ST7L: variants seen among roughly 807,000 people sequenced by gnomAD.
ST7L encodes suppressor of tumorigenicity 7 protein-like.
ST7L carries 57 observed loss-of-function variants against 72.5 expected under a neutral mutation model. The observed-to-expected ratio is 0.79, with a 90% confidence interval of 0.64 to 0.98. The LOEUF is 0.98. ST7L is among the 50% of genes least tolerant of loss of function. ST7L has a pLI of 0.00. For synonymous variants in ST7L, 221 were observed against 240.9 expected, an observed-to-expected ratio of 0.92 and a Z score of 0.77; for missense variants, 576 against 672.2, an observed-to-expected ratio of 0.86 and a Z score of 1.58.
At position 112,582,386 on chromosome 1, in the gene ST7L, T is replaced by C. The variant is rs772263676; in HGVS notation, c.943A>G (p.Ile315Val). ...KLGRIREAVK[I>V]MRDLMKEFPP... Reference sequence around the variant, plus strand: ...ATCAATTTACTTACATCTCTCATTATTTTTACTGCTTCTCTTATTCTTCCT... The same window carrying C: ...ATCAATTTACTTACATCTCTCATTACTTTTACTGCTTCTCTTATTCTTCCT... Residue 315 changes from isoleucine (I) to valine (V), a missense_variant, in exon 8 of 15, where the codon ATA (isoleucine) becomes GTA (valine). Physicochemically the swap from Ile to Val is conservative, Grantham distance 29. Around this residue, in one of 3 missense-constraint regions of ST7L, gnomAD observed 511 missense variants for 600.7 expected, o/e 0.85. Coordinates refer to ENST00000358039, the MANE Select transcript of ST7L (RefSeq NM_017744.5). 6.2e-7 allele frequency: 1 copy of C among 1,603,728 alleles called. No individual in the cohort carries two copies.
intron 3 of ST7L, among the ~76,000 whole-genome samples, chr1:112,603,275 C>A (rs1667711596): frequency 6.6e-6 from 1 of 152,092 alleles, no homozygotes; most frequent in South Asian, 2.1e-4. Flanking sequence ...ATTCAGTGAA[C>A]AAGTATTTTC....
chr1:112,551,699 C>T (rs996755273), intron 12 of ST7L, among the ~76,000 whole-genome samples: 1 of 152,170 alleles, frequency 6.6e-6, no homozygotes, highest in Non-Finnish European at 1.5e-5. Flanking sequence ...TAGATTGTCA[C>T]CAACTCCTGT....
Position 112,582,355 on chromosome 1 carries a change from C to T in ST7L, c.954+20G>A. 6.6e-7 allele frequency: 1 copy of T among 1,512,840 alleles called. No homozygotes were observed. The highest frequency in any genetic ancestry group is 9.2e-7 in the Non-Finnish European group (1 of 1,092,774). 93.7% of individuals were successfully genotyped at this position (1,512,840 alleles called of 1,614,324 possible). On this transcript the variant is annotated intron_variant, in intron 8 of 14. Transcript: ENST00000358039. ...TTTCTGGAGGAATAAATGTAATAGT[C>T]CCATCATCAATTTACTTACATCTCT...
At chr1:112,537,671 AT>A (rs1048309621) in intron 14 of ST7L, among the ~76,000 whole-genome samples, 3 of 152,102 alleles carry the variant, frequency 2.0e-5, no homozygotes, top group Non-Finnish European at 2.9e-5. Flanking sequence ...CTTAAAAGCA[AT>A]TTTTCCTTTT....
At chr1:112,573,910 G>GTT (rs920123003) in intron 11 of ST7L, among the ~76,000 whole-genome samples, 3,805 of 91,822 alleles carry the variant, frequency 0.041, 381 homozygotes, top group African/African-American at 0.14. Flanking sequence ...TTCTTTTCCT[G>GTT]TTTTTTTTTT....
intron 8 of ST7L, 122 bp downstream of exon 8, chr1:112,582,253 T>C: frequency 1.1e-6 from 1 of 893,246 alleles, no homozygotes. Flanking sequence ...ATTAAATAAA[T>C]ACCTTGTTCT....
intron 14 of ST7L, among the ~76,000 whole-genome samples, chr1:112,537,982 G>A (rs1323927182): frequency 6.6e-6 from 1 of 152,250 alleles, no homozygotes. Flanking sequence ...CCAGTGCCTG[G>A]CCTCACCATA....
At chr1:112,545,228 C>G (rs570761424) in intron 13 of ST7L, among the ~76,000 whole-genome samples, 1 of 151,638 alleles carries the variant, frequency 6.6e-6, no homozygotes, top group African/African-American at 2.4e-5. Context: ...CCAGCATATT[C>G]CCCCTCTCCT....
At chr1:112,542,559 C>T (rs1656291667) in intron 13 of ST7L, among the ~76,000 whole-genome samples, 1 of 151,972 alleles carries the variant, frequency 6.6e-6, no homozygotes, top group Admixed American at 6.6e-5. Flanking sequence ...GCATGCGACA[C>T]TAACCTAAGC....
chr1:112,581,047 T>G lies in ST7L; in HGVS notation c.1069+945A>C, dbSNP rs114081892. The stretch of plus-strand genomic sequence containing the variant: ...GGCTGGGAGACCTTACTCCAATACT[T>G]TAACCTTCTTAAATTCCAGTTCCCT... On this transcript the variant is annotated intron_variant, in intron 9 of 14. Coordinates refer to ENST00000358039, the MANE Select transcript of ST7L (RefSeq NM_017744.5). Among the ~76,000 whole-genome samples the G allele has an allele frequency of 9.1e-4, 139 of 152,348 alleles. 1 individual carries two copies. The highest frequency in any genetic ancestry group is 3.2e-3 in the African/African-American group (134 of 41,588).
rs188505559 is a variant in ST7L at position 112,547,358 on chromosome 1, A to G, written c.1489+3243T>C. ...CAGGCGCAAGCCACCACACCTGGCT[A>G]ACTTTTGTATTTTTAGTAGAGATGG... On this transcript the variant is annotated intron_variant, in intron 13 of 14. Transcript: ENST00000358039. Among the ~76,000 whole-genome samples, 194 of 151,818 alleles carry G rather than the reference A, an allele frequency of 1.3e-3. 1 individual carries two copies. The highest frequency in any genetic ancestry group is 4.4e-3 in the African/African-American group (182 of 41,454).
At chr1:112,619,539 G>T (rs1670492751), upstream of ST7L, 2 of 528,354 alleles carry the variant, frequency 3.8e-6, no homozygotes, top group Non-Finnish European at 6.7e-6. Flanking sequence ...TATTTGGTCG[G>T]ATGGAGGCCA....
At chr1:112,586,927 C>T (rs1487934783) in intron 6 of ST7L, among the ~76,000 whole-genome samples, 1 of 152,202 alleles carries the variant, frequency 6.6e-6, no homozygotes, top group Non-Finnish European at 1.5e-5. Context: ...TAGTCACTCC[C>T]CATCTCCCTT....
chr1:112,618,735 G>A lies in ST7L; in HGVS notation c.205+174C>T, dbSNP rs555754475. On this transcript the variant is annotated intron_variant, in intron 1 of 14. Transcript: ENST00000358039. Reference sequence around the variant, plus strand: ...TACGGAGGAGCCGGTAACGGCAGCAGGCTTGTCAATCAACTGCAAGGTTGC... The same window carrying A: ...TACGGAGGAGCCGGTAACGGCAGCAAGCTTGTCAATCAACTGCAAGGTTGC... 1.2e-4 allele frequency: 155 copies of A among 1,336,354 alleles called. No individual in the cohort carries two copies. The African/African-American group carries it at 2.0e-3, about 17-fold the overall frequency. 82.8% of individuals were successfully genotyped at this position (1,336,354 alleles called of 1,614,324 possible).
intron 2 of ST7L, among the ~76,000 whole-genome samples, chr1:112,615,197 T>C (rs1669680053): frequency 6.6e-6 from 1 of 152,056 alleles, no homozygotes; most frequent in Admixed American, 6.6e-5. Flanking sequence ...GGTTTTTCCA[T>C]GTTTCCCAGG....
At chr1:112,602,202 G>A (rs753567676) in intron 3 of ST7L, among the ~76,000 whole-genome samples, 2 of 151,954 alleles carry the variant, frequency 1.3e-5, no homozygotes, top group East Asian at 1.9e-4. Flanking sequence ...AGGTTTATAA[G>A]CAGAAAAATA....
chr1:112,588,582 T>C (rs1665207070), intron 6 of ST7L, among the ~76,000 whole-genome samples: 1 of 152,246 alleles, frequency 6.6e-6, no homozygotes, highest in South Asian at 2.1e-4. Context: ...ATTACATTAA[T>C]TGATTTCCAT....
chr1:112,552,808 A>G lies in ST7L; in HGVS notation c.1397-2115T>C, dbSNP rs145265992. On this transcript the variant is annotated intron_variant, in intron 12 of 14. Transcript: ENST00000358039. ...TTGATCATGATTCATGAAATACAGT[A>G]TAAATCATAGGTGGTTGGGCATGAT... 3.1e-3 allele frequency among the ~76,000 whole-genome samples: 465 copies of G among 152,266 alleles called. 4 individuals carry two copies. The highest frequency in any genetic ancestry group is 0.011 in the African/African-American group (437 of 41,546).
chr1:112,602,964 C>T (rs781492251), intron 3 of ST7L, among the ~76,000 whole-genome samples: 4 of 151,954 alleles, frequency 2.6e-5, no homozygotes, highest in African/African-American at 4.8e-5. Flanking sequence ...GTGATCCACC[C>T]GTCTCGGCCT....
Sources: gnomAD v4.1 joint callset for allele counts (sites outside exome capture counted in the v4.1 genomes callset) on GRCh38, gnomAD v4.1.1 for gene constraint, gnomAD v4.1.1 regional missense constraint, MANE v1.5 for transcripts, NCBI Gene and HGNC (gene_info 2026-07-23, HGNC 2026-07-21) for gene names.